The following IL1RAPL1 variants were observed in gnomAD, a reference collection of about 807,000 sequenced individuals.
IL1RAPL1 encodes interleukin 1 receptor accessory protein like 1, also known as interleukin-1 receptor accessory protein-like 1.
In IL1RAPL1, 3 loss-of-function variants were observed where a neutral mutation model predicts 48.4. The ratio of observed to expected loss-of-function variants is 0.06; its 90% confidence interval spans 0.03 to 0.16. IL1RAPL1 has a LOEUF of 0.16. IL1RAPL1 is among the 10% of genes least tolerant of loss of function. The pLI is 1.00. For synonymous variants in IL1RAPL1, 185 were observed against 187.7 expected (o/e 0.99, Z 0.12); for missense variants, 349 against 530.6 (o/e 0.66, Z 3.36).
At chrX:29,529,207 T>G (rs1935586202) in intron 5 of IL1RAPL1, among the ~76,000 whole-genome samples, 1 of 111,906 alleles carries the variant, frequency 8.9e-6, no homozygotes. Context: ...AAATGTAGTC[T>G]ATAATACTGG....
rs186974803 is a variant in IL1RAPL1, at chrX:29,674,932, T to C, written c.778+6428T>C. On this transcript the variant is annotated intron_variant, in intron 6 of 10. Coordinates refer to ENST00000378993, the MANE Select transcript of IL1RAPL1 (RefSeq NM_014271.4). ...TTTATGGCCGCATGGCATTCTGTAG[T>C]GTATATGTACCACTTTTTAAAAAAA... Among the ~76,000 whole-genome samples the C allele has an allele frequency of 5.3e-3, 597 of 112,579 alleles. 2 individuals are homozygous for C. The highest frequency in any genetic ancestry group is 0.019 in the African/African-American group (576 of 31,023).
At chrX:29,473,065 G>A (rs1934938468) in intron 5 of IL1RAPL1, among the ~76,000 whole-genome samples, 1 of 111,544 alleles carries the variant, frequency 9.0e-6, no homozygotes, top group East Asian at 2.8e-4. Flanking sequence ...GAGACTAGAA[G>A]TGTGAGATCA....
At chrX:28,902,124 A>AT (rs1406915684) in intron 2 of IL1RAPL1, among the ~76,000 whole-genome samples, 1 of 110,252 alleles carries the variant, frequency 9.1e-6, no homozygotes, top group African/African-American at 3.3e-5. Flanking sequence ...GCTTCCTCCC[A>AT]TTCATGTTTG....
chrX:29,646,936 C>T (rs751829539), intron 5 of IL1RAPL1, among the ~76,000 whole-genome samples: 2 of 111,978 alleles, frequency 1.8e-5, no homozygotes, highest in South Asian at 7.4e-4. Context: ...ACCACCAGAC[C>T]TGTCTTACAA....
chrX:29,901,738 C>T (rs746901276), intron 6 of IL1RAPL1, among the ~76,000 whole-genome samples: 2 of 111,638 alleles, frequency 1.8e-5, no homozygotes, highest in Non-Finnish European at 3.8e-5. Flanking sequence ...CAATAATTTG[C>T]TTTAAATGTG....
intron 5 of IL1RAPL1, among the ~76,000 whole-genome samples, chrX:29,474,770 C>G (rs774217750): frequency 9.9e-5 from 11 of 111,634 alleles, no homozygotes; most frequent in Admixed American, 1.9e-4. Flanking sequence ...ACATCTGCCC[C>G]CATGATCCAA....
intron 2 of IL1RAPL1, among the ~76,000 whole-genome samples, chrX:29,125,009 G>T (rs746572419): frequency 8.0e-5 from 9 of 112,165 alleles, no homozygotes; most frequent in Non-Finnish European, 1.7e-4. Context: ...AACAAGACAA[G>T]CTAGGGATTA....
chrX:29,564,207 T>C (rs1044544910), intron 5 of IL1RAPL1, among the ~76,000 whole-genome samples: 14 of 111,947 alleles, frequency 1.3e-4, no homozygotes, highest in Non-Finnish European at 2.3e-4. Flanking sequence ...AAAGTGTTGA[T>C]TTCCACTTTG....
chrX:29,134,503 T>C (rs1300700234), intron 2 of IL1RAPL1, among the ~76,000 whole-genome samples: 1 of 111,857 alleles, frequency 8.9e-6, no homozygotes, highest in Admixed American at 9.5e-5. Flanking sequence ...ATGGGATCAT[T>C]ACCCTGCTTC....
At chrX:29,057,308 C>G (rs1470481158) in intron 2 of IL1RAPL1, among the ~76,000 whole-genome samples, 3 of 111,960 alleles carry the variant, frequency 2.7e-5, no homozygotes, top group East Asian at 2.8e-4. Context: ...CTTTGATAAT[C>G]TATACTAATG....
chrX:29,126,181 A>G (rs762576744), intron 2 of IL1RAPL1, among the ~76,000 whole-genome samples: 1 of 111,883 alleles, frequency 8.9e-6, no homozygotes, highest in South Asian at 3.7e-4. Context: ...GAATAATTTC[A>G]AATTCAACTT....
chrX:28,713,577 C>T (rs1404761272), intron 1 of IL1RAPL1, among the ~76,000 whole-genome samples: 2 of 111,126 alleles, frequency 1.8e-5, no homozygotes, highest in African/African-American at 6.5e-5. Context: ...TGGCAACTTA[C>T]AGCAGGAAGG....
chrX:29,086,685 A>C, intron 2 of IL1RAPL1, among the ~76,000 whole-genome samples: 1 of 112,350 alleles, frequency 8.9e-6, no homozygotes, highest in Middle Eastern at 4.6e-3. Context: ...ATCACCTATT[A>C]ACAAGCTAAT....
chrX:28,754,129 C>T (rs1421469895), intron 1 of IL1RAPL1, among the ~76,000 whole-genome samples: 1 of 111,285 alleles, frequency 9.0e-6, no homozygotes, highest in Non-Finnish European at 1.9e-5. Flanking sequence ...GTCCTTTATT[C>T]TTGTATGACC....
At chrX:29,319,558 G>GTATGTATC (rs1555990684) in intron 3 of IL1RAPL1, among the ~76,000 whole-genome samples, 10 of 82,023 alleles carry the variant, frequency 1.2e-4, no homozygotes, top group Non-Finnish European at 1.6e-4. Context: ...ATGTATGTAT[G>GTATGTATC]TATCTATCTA....
chrX:29,894,471 C>A (rs1016899034), intron 6 of IL1RAPL1, among the ~76,000 whole-genome samples: 3 of 111,369 alleles, frequency 2.7e-5, no homozygotes, highest in African/African-American at 9.8e-5. Flanking sequence ...TCATTTATGC[C>A]CTTTACTACT....
At chrX:29,827,708 T>C (rs756627453) in intron 6 of IL1RAPL1, among the ~76,000 whole-genome samples, 6 of 112,682 alleles carry the variant, frequency 5.3e-5, no homozygotes, top group Non-Finnish European at 9.4e-5. Flanking sequence ...CACTCGTCCT[T>C]TGACCTAAAA....
At chrX:29,205,465 G>C (rs1375315745) in intron 2 of IL1RAPL1, among the ~76,000 whole-genome samples, 1 of 110,928 alleles carries the variant, frequency 9.0e-6, no homozygotes, top group Non-Finnish European at 1.9e-5. Context: ...CATGTTATCA[G>C]CTACATTTTG....
At chrX:29,314,677 C>T (rs1432772534) in intron 3 of IL1RAPL1, among the ~76,000 whole-genome samples, 1 of 112,344 alleles carries the variant, frequency 8.9e-6, no homozygotes, top group East Asian at 2.8e-4. Flanking sequence ...CCAGTGGCAC[C>T]TTTTTCTTTT....
Sources: allele counts gnomAD v4.1 joint callset (sites outside exome capture counted in the v4.1 genomes callset), GRCh38; gene constraint gnomAD v4.1.1; transcripts MANE v1.5; gene names NCBI Gene and HGNC (gene_info 2026-07-23, HGNC 2026-07-21).